Variants in MIPOL1 observed in about 807,000 individuals in gnomAD.
MIPOL1 encodes mirror-image polydactyly gene 1 protein.
A neutral mutation model predicts 60.9 loss-of-function variants in MIPOL1; 57 were observed. The observed-to-expected ratio is 0.94, with a 90% CI of 0.76 to 1.17. The LOEUF (loss-of-function observed/expected upper bound fraction) is 1.17. Ranked by LOEUF, MIPOL1 falls within the 50% of genes most tolerant of loss-of-function variation. MIPOL1 has a pLI of 0.00. For missense variants in MIPOL1, 551 were observed against 511.6 expected, an observed-to-expected ratio of 1.08 and a Z score of -0.74; for synonymous variants, 179 against 168.8, an observed-to-expected ratio of 1.06 and a Z score of -0.47.
At chr14:37,286,277 A>G (rs1594908291) in intron 7 of MIPOL1, among the ~76,000 whole-genome samples, 3 of 152,324 alleles carry the variant, frequency 2.0e-5, no homozygotes, top group East Asian at 3.9e-4. Flanking sequence ...GATGGACTAC[A>G]CTTAGAGAAA....
intron 12 of MIPOL1, among the ~76,000 whole-genome samples, chr14:37,524,020 C>A (rs1223095222): frequency 6.6e-6 from 1 of 151,550 alleles, no homozygotes; most frequent in African/African-American, 2.4e-5. Flanking sequence ...GTGCTTGGAG[C>A]AAAAAAGGAG....
At chr14:37,462,445 A>C (rs369104112) in intron 11 of MIPOL1, among the ~76,000 whole-genome samples, 1 of 152,334 alleles carries the variant, frequency 6.6e-6, no homozygotes, top group East Asian at 1.9e-4. Context: ...ACATTTCTCC[A>C]TTGTCTTGGG....
intron 7 of MIPOL1, among the ~76,000 whole-genome samples, chr14:37,294,477 A>G (rs1191338006): frequency 6.6e-6 from 1 of 152,204 alleles, no homozygotes; most frequent in East Asian, 1.9e-4. Flanking sequence ...TGACGAATTG[A>G]GAGAGGAAGG....
intron 11 of MIPOL1, among the ~76,000 whole-genome samples, chr14:37,452,707 T>A (rs1227299534): frequency 6.6e-6 from 1 of 152,222 alleles, no homozygotes; most frequent in Non-Finnish European, 1.5e-5. Flanking sequence ...AACTCTTGAT[T>A]AAACAGAAGA....
At chr14:37,338,353 G>T (rs1406756988) in intron 9 of MIPOL1, among the ~76,000 whole-genome samples, 1 of 150,652 alleles carries the variant, frequency 6.6e-6, no homozygotes, top group South Asian at 2.1e-4. Flanking sequence ...CTCATGATCC[G>T]CTCGCCTTGG....
rs1555335 is a variant in MIPOL1, at chr14:37,498,508, G to A, written c.1032-1400G>A. On this transcript the variant is annotated intron_variant, in intron 11 of 12. Transcript: ENST00000684589. ...AGAATGCAGAAAGTGAGAGGACACA[G>A]AAAAAATAGTAAAATGGGCAAGAGA... is the stretch of plus-strand genomic sequence containing the variant. Among the ~76,000 whole-genome samples, 1,056 of 152,204 alleles carry A rather than the reference G, an allele frequency of 6.9e-3. 12 individuals carry two copies. The highest frequency in any genetic ancestry group is 0.024 in the African/African-American group (1,015 of 41,536).
At chr14:37,296,789 G>C (rs1302201213) in intron 7 of MIPOL1, among the ~76,000 whole-genome samples, 1 of 152,094 alleles carries the variant, frequency 6.6e-6, no homozygotes, top group Non-Finnish European at 1.5e-5. Context: ...CCAATAACAG[G>C]CTCTGAAATT....
At chr14:37,501,324 CA>C (rs2095212525) in intron 12 of MIPOL1, among the ~76,000 whole-genome samples, 2 of 152,014 alleles carry the variant, frequency 1.3e-5, no homozygotes, top group Admixed American at 1.3e-4. Context: ...AAATCACAAT[CA>C]GTAACTTTTG....
At chr14:37,297,020 C>A (rs1245171749) in intron 7 of MIPOL1, among the ~76,000 whole-genome samples, 1 of 152,092 alleles carries the variant, frequency 6.6e-6, no homozygotes, top group Non-Finnish European at 1.5e-5. Context: ...AATTTTAGAC[C>A]AATATCCTTG....
At chr14:37,351,499 G>A (rs2091372623) in intron 9 of MIPOL1, among the ~76,000 whole-genome samples, 1 of 151,718 alleles carries the variant, frequency 6.6e-6, no homozygotes, top group Admixed American at 6.6e-5. Context: ...CTTCCACAAT[G>A]GTTGAACTAG....
intron 11 of MIPOL1, among the ~76,000 whole-genome samples, chr14:37,490,981 A>G (rs764129942): frequency 3.9e-5 from 6 of 152,206 alleles, no homozygotes; most frequent in Non-Finnish European, 7.3e-5. Flanking sequence ...TCTCCCTTCT[A>G]TTAAATTTGA....
At chr14:37,326,531 C>T (rs1171186796) in intron 9 of MIPOL1, among the ~76,000 whole-genome samples, 6 of 152,158 alleles carry the variant, frequency 3.9e-5, no homozygotes, top group Non-Finnish European at 8.8e-5. Context: ...AGTGTAGTCA[C>T]CCTTCCATTA....
chr14:37,437,481 G>A (rs2094179950), intron 11 of MIPOL1, among the ~76,000 whole-genome samples: 1 of 152,144 alleles, frequency 6.6e-6, no homozygotes, highest in Non-Finnish European at 1.5e-5. Flanking sequence ...TGGACGCACT[G>A]TTCACTTAAA....
intron 10 of MIPOL1, among the ~76,000 whole-genome samples, chr14:37,376,875 G>A (rs1303268076): frequency 6.6e-6 from 1 of 152,160 alleles, no homozygotes; most frequent in African/African-American, 2.4e-5. Flanking sequence ...TTCCAAGATA[G>A]TTGTACCATT....
chr14:37,398,863 C>A (rs1231878635), intron 10 of MIPOL1, among the ~76,000 whole-genome samples: 2 of 152,094 alleles, frequency 1.3e-5, no homozygotes, highest in Non-Finnish European at 2.9e-5. Context: ...TGAGGAAAGT[C>A]TAGTCTTTAT....
At chr14:37,431,745 A>ATTTT (rs796193149) in intron 11 of MIPOL1, among the ~76,000 whole-genome samples, 2 of 138,618 alleles carry the variant, frequency 1.4e-5, no homozygotes, top group Admixed American at 7.1e-5. Flanking sequence ...TGCCTGGCTA[A>ATTTT]TTTTTTTTTT....
rs113793210 is a variant in MIPOL1 at position 37,408,507 on chromosome 14, A to G, written c.937-14348A>G. Among the ~76,000 whole-genome samples, 640 of 152,164 alleles carry G rather than the reference A, an allele frequency of 4.2e-3. 5 individuals are homozygous for G. The highest frequency in any genetic ancestry group is 0.028 in the Middle Eastern group (8 of 290). The stretch of plus-strand genomic sequence containing the variant: ...TAGTTGGGTGTGGTGGCATGTACCT[A>G]TAGTCCCGGCTACCCAGGAGGCTGA... On this transcript the variant is annotated intron_variant, in intron 10 of 12. Coordinates refer to ENST00000684589, the MANE Select transcript of MIPOL1 (RefSeq NM_001388067.1).
intron 7 of MIPOL1, among the ~76,000 whole-genome samples, chr14:37,290,050 T>A (rs2084922843): frequency 6.6e-6 from 1 of 152,240 alleles, no homozygotes; most frequent in African/African-American, 2.4e-5. Context: ...TGATTTAACA[T>A]GCTTCAAATT....
intron 9 of MIPOL1, among the ~76,000 whole-genome samples, chr14:37,355,771 C>T (rs2091768387): frequency 6.6e-6 from 1 of 150,570 alleles, no homozygotes; most frequent in African/African-American, 2.4e-5. Context: ...CTGCTTTAAG[C>T]ACTTCTCTGT....
Sources: allele counts gnomAD v4.1 joint callset (sites outside exome capture counted in the v4.1 genomes callset), GRCh38; gene constraint gnomAD v4.1.1; transcripts MANE v1.5; gene names NCBI Gene and HGNC (gene_info 2026-07-23, HGNC 2026-07-21).